SPRED2: variants seen among roughly 807,000 people sequenced by gnomAD.
The protein encoded by SPRED2 is sprouty-related, EVH1 domain-containing protein 2.
A neutral mutation model predicts 43.0 loss-of-function variants in SPRED2; 47 were observed. The observed-to-expected ratio is 1.09, with a 90% CI of 0.87 to 1.40. The LOEUF (loss-of-function observed/expected upper bound fraction) is 1.40. SPRED2 is among the 40% of genes most tolerant of loss of function. The pLI, the probability that SPRED2 is intolerant of heterozygous loss-of-function variation, is 0.00. For missense variants in SPRED2, 561 were observed against 586.4 expected, an observed-to-expected ratio of 0.96 and a Z score of 0.45; for synonymous variants, 225 against 225.7, an observed-to-expected ratio of 1.00 and a Z score of 0.03.
chr2:65,335,367 G>A (rs1451232068), intron 2 of SPRED2, among the ~76,000 whole-genome samples: 3 of 151,964 alleles, frequency 2.0e-5, no homozygotes, highest in African/African-American at 4.8e-5. Flanking sequence ...ACCCTGATCT[G>A]GGTCTCTATT....
Position 65,311,788 on chromosome 2 carries a change from G to C in SPRED2, c.*1713C>G. ...GTATTTACACCGGTAATCTACTAAA[G>C]AAAATCGATGAGCTTGTGGACGAGC... On this transcript the variant is annotated 3_prime_UTR_variant, in exon 6 of 6. Transcript: ENST00000356388. 1 of 985,458 alleles carries C rather than the reference G, an allele frequency of 1.0e-6. No homozygotes were observed. The allele number at this position is 985,458 out of a possible 1,614,324, so 61.0% of individuals were successfully genotyped here.
chr2:65,402,005 A>T (rs1389645735), intron 1 of SPRED2, among the ~76,000 whole-genome samples: 1 of 150,536 alleles, frequency 6.6e-6, no homozygotes, highest in Non-Finnish European at 1.5e-5. Flanking sequence ...ATTCTAAAGG[A>T]ACACAGGTTT....
Position 65,311,476 on chromosome 2 carries a change from G to C in SPRED2, c.*2025C>G. 1.0e-6 allele frequency: 1 copy of C among 985,828 alleles called. No individual in the cohort carries two copies. The highest frequency in any genetic ancestry group is 1.2e-6 in the Non-Finnish European group (1 of 829,920). 61.1% of individuals were successfully genotyped at this position (985,828 alleles called of 1,614,324 possible). On this transcript the variant is annotated 3_prime_UTR_variant, in exon 6 of 6. Coordinates refer to ENST00000356388, the MANE Select transcript of SPRED2 (RefSeq NM_181784.3). ...TGCGTTCTTATTGAAATAAATAGGGGCACTTGAACTGAGGTCTAAGGAAAC... is the reference window on the plus strand; with the variant it reads ...TGCGTTCTTATTGAAATAAATAGGGCCACTTGAACTGAGGTCTAAGGAAAC...
intron 3 of SPRED2, 88 bp from the exon 4 acceptor site, chr2:65,332,139 C>T: frequency 1.3e-6 from 1 of 795,634 alleles, no homozygotes; most frequent in Admixed American, 2.9e-5. Context: ...AATAAAACCA[C>T]ATTCCATTCT....
At chr2:65,325,414 C>T (rs1308041281) in intron 4 of SPRED2, among the ~76,000 whole-genome samples, 7 of 152,204 alleles carry the variant, frequency 4.6e-5, no homozygotes, top group Admixed American at 3.9e-4. Context: ...AAAAATAGCA[C>T]TATACAGGGA....
chr2:65,425,259 G>A (rs1447370190), intron 1 of SPRED2, among the ~76,000 whole-genome samples: 3 of 152,074 alleles, frequency 2.0e-5, no homozygotes, highest in African/African-American at 7.2e-5. Context: ...GGACACAGAG[G>A]AGCCAAAACC....
chr2:65,307,910 A>G (rs1672974435), downstream of SPRED2, among the ~76,000 whole-genome samples: 1 of 152,278 alleles, frequency 6.6e-6, no homozygotes, highest in South Asian at 2.1e-4. Context: ...GGACGCCCGC[A>G]TTGGCGGGCA....
intron 1 of SPRED2, among the ~76,000 whole-genome samples, chr2:65,347,341 T>C (rs1310908217): frequency 6.6e-6 from 1 of 152,114 alleles, no homozygotes; most frequent in Non-Finnish European, 1.5e-5. Context: ...AACCCCACTC[T>C]ACTATGCTCA....
At chr2:65,396,367 G>A (rs759382706) in intron 1 of SPRED2, among the ~76,000 whole-genome samples, 2 of 152,060 alleles carry the variant, frequency 1.3e-5, no homozygotes, top group South Asian at 2.1e-4. Context: ...AAATACCTAC[G>A]GCGCATCATG....
intron 1 of SPRED2, among the ~76,000 whole-genome samples, chr2:65,416,734 G>C (rs986383114): frequency 2.0e-5 from 3 of 152,138 alleles, no homozygotes; most frequent in Non-Finnish European, 4.4e-5. Flanking sequence ...CCTTACCATG[G>C]CAAAGCTGGG....
chr2:65,336,079 G>C (rs988699440), intron 2 of SPRED2, among the ~76,000 whole-genome samples: 4 of 152,224 alleles, frequency 2.6e-5, no homozygotes, highest in Admixed American at 6.5e-5. Context: ...AAGGAGGCCA[G>C]TACAGTGGCT....
rs1000060360 is a variant in SPRED2, at chr2:65,312,024, C to T, written c.*1477G>A. 46 of 985,304 alleles carry T rather than the reference C, an allele frequency of 4.7e-5. No individual in the cohort carries two copies. Among genetic ancestry groups the T allele is most frequent in the African/African-American group, 8.7e-5 (5 of 57,224 alleles). 61.0% of individuals were successfully genotyped at this position (985,304 alleles called of 1,614,324 possible). On this transcript the variant is annotated 3_prime_UTR_variant, in exon 6 of 6. Coordinates refer to ENST00000356388, the MANE Select transcript of SPRED2 (RefSeq NM_181784.3). ...CAGCCGGCGTCCGCAAGCCTGTCCC[C>T]GGTGGTCTCCACGAGGTTCTGATTG...
intron 1 of SPRED2, among the ~76,000 whole-genome samples, chr2:65,353,023 G>A (rs141256240): frequency 6.6e-6 from 1 of 152,160 alleles, no homozygotes; most frequent in Admixed American, 6.5e-5. Flanking sequence ...TACAAAACAC[G>A]GTACCTAAAA....
intron 1 of SPRED2, among the ~76,000 whole-genome samples, chr2:65,407,786 C>T (rs1372366060): frequency 6.6e-6 from 1 of 152,196 alleles, no homozygotes; most frequent in Non-Finnish European, 1.5e-5. Context: ...CTCCCCATAA[C>T]TCCAACTGGA....
At chr2:65,422,884 A>G (rs1676465080) in intron 1 of SPRED2, among the ~76,000 whole-genome samples, 2 of 152,248 alleles carry the variant, frequency 1.3e-5, no homozygotes, top group Admixed American at 6.5e-5. Context: ...GCCCAGGCAC[A>G]TCATTCTAGC....
chr2:65,386,285 C>CAAA lies in SPRED2; in HGVS notation c.27-41392_27-41390dup, dbSNP rs761665293. Among the ~76,000 whole-genome samples the CAAA allele has an allele frequency of 9.2e-3, 507 of 55,276 alleles. 46 individuals carry two copies. Among genetic ancestry groups the CAAA allele is most frequent in the South Asian group, 0.02 (27 of 1,336 alleles). 36.3% of individuals were successfully genotyped at this position (55,276 alleles called of 152,430 possible). A position where few individuals can be genotyped will look rare whatever the true frequency, so the allele number is the denominator to read the frequency against. On this transcript the variant is annotated intron_variant, in intron 1 of 5. Coordinates refer to ENST00000356388, the MANE Select transcript of SPRED2 (RefSeq NM_181784.3). ...GGGCGACAAGAGTGAGACTCTGTCT[C>CAAA]AAAAAAAAAAAAAAAAAAAGAAAGC...
chr2:65,377,462 T>G (rs1038725621), intron 1 of SPRED2, among the ~76,000 whole-genome samples: 1 of 152,216 alleles, frequency 6.6e-6, no homozygotes, highest in Admixed American at 6.5e-5. Context: ...TATCCTCCTC[T>G]TGCCGACCCC....
At chr2:65,386,857 A>T (rs983893439) in intron 1 of SPRED2, among the ~76,000 whole-genome samples, 3 of 152,250 alleles carry the variant, frequency 2.0e-5, no homozygotes, top group African/African-American at 7.2e-5. Context: ...CCTAAAACTT[A>T]AAGTATAATT....
intron 1 of SPRED2, among the ~76,000 whole-genome samples, chr2:65,357,319 G>C (rs1320057522): frequency 6.6e-6 from 1 of 152,208 alleles, no homozygotes; most frequent in Non-Finnish European, 1.5e-5. Flanking sequence ...CCCTCCTGGA[G>C]AGTGGTATAG....
Sources: gnomAD v4.1 joint callset for allele counts (sites outside exome capture counted in the v4.1 genomes callset) on GRCh38, gnomAD v4.1.1 for gene constraint, MANE v1.5 for transcripts, NCBI Gene and HGNC (gene_info 2026-07-23, HGNC 2026-07-21) for gene names.